The following MUC3A variants were observed in gnomAD, a reference collection of about 807,000 sequenced individuals.
MUC3A encodes mucin-3A.
Under a neutral mutation model 109.0 loss-of-function variants are expected in MUC3A, and 109 were observed. The observed-to-expected ratio is 1.00, with a 90% CI of 0.86 to 1.17. MUC3A has a LOEUF of 1.17. MUC3A is among the 50% of genes most tolerant of loss of function. The pLI, the probability that MUC3A is intolerant of heterozygous loss-of-function variation, is 0.00. For synonymous variants in MUC3A, 1,398 were observed against 981.4 expected (o/e 1.42, Z -7.93); for missense variants, 3,537 against 2,469.4 (o/e 1.43, Z -9.16).
Position 100,959,397 on chromosome 7 carries a change from C to A in MUC3A, c.7618C>A (p.Leu2540Ile). The A allele has an allele frequency of 6.5e-7, 1 of 1,536,978 alleles. No homozygotes were observed. The highest frequency in any genetic ancestry group is 8.7e-7 in the Non-Finnish European group (1 of 1,152,524). ...CATCCAAAGTACAGAAACCTCATCC[C>A]TTGTGGGCACCACCTCTCCCACCAT... ...PSIQSTETSSLVGTTSPTMST... is the reference protein window; with the variant it reads ...PSIQSTETSSIVGTTSPTMST... Residue 2540 changes from leucine to isoleucine, a missense_variant, in exon 2 of 12, where the codon CTT becomes ATT. Physicochemically the swap from Leu to Ile is conservative, Grantham distance 5. Transcript: ENST00000379458.
At position 100,956,022 on chromosome 7, in the gene MUC3A, C is replaced by CCACTCACCGGTAGCATTTTAT. The variant is rs1792087043; in HGVS notation, c.4251_4252insGGTAGCATTTTATCACTCACC (p.Thr1417_Ser1418insGlySerIleLeuSerLeuThr). On this transcript the variant is annotated inframe_insertion, in exon 2 of 12. Transcript: ENST00000379458. ...GCCCACAGCCACTAATACGTTATCA[C>CCACTCACCGGTAGCATTTTAT]CACTCACCAGTAGCATTTTATCTTC... The CCACTCACCGGTAGCATTTTAT allele has an allele frequency of 4.7e-6, 1 of 214,700 alleles. No homozygotes were observed. The allele number at this position is 214,700 out of a possible 1,614,324, so 13.3% of individuals were successfully genotyped here.
intron 7 of MUC3A, 33 bp from the exon 8 acceptor site, chr7:100,965,671 T>C: frequency 1.3e-6 from 2 of 1,584,622 alleles, no homozygotes; most frequent in East Asian, 2.2e-5. Context: ...GATGAGGTCC[T>C]TGTCTCTGTG....
chr7:100,957,368 A>G lies in MUC3A; in HGVS notation c.5589A>G (p.Thr1863=). The change falls in exon 2 of 12, where the codon ACA becomes ACG. Residue 1863 remains threonine (T), a synonymous_variant. Coordinates refer to ENST00000379458, the MANE Select transcript of MUC3A (RefSeq NM_005960.2). ...TTRTTYSTNM[T]GTLSTVTSLR... is the part of the protein sequence containing the mutation. ...GAACCACCTATTCCACCAATATGACAGGTACATTGTCCACTGTGACCTCTC... is the reference window on the plus strand; with the variant it reads ...GAACCACCTATTCCACCAATATGACGGGTACATTGTCCACTGTGACCTCTC... 6.2e-6 allele frequency: 4 copies of G among 642,016 alleles called. No individual in the cohort carries two copies. The highest frequency in any genetic ancestry group is 1.1e-5 in the Non-Finnish European group (4 of 374,074). The allele number at this position is 642,016 out of a possible 1,614,324, so 39.8% of individuals were successfully genotyped here.
In MUC3A at chr7:100,951,412, C is replaced by T. The variant is rs76387827; in HGVS notation, c.62-429C>T. On this transcript the variant is annotated intron_variant, in intron 1 of 11. Coordinates refer to ENST00000379458, the MANE Select transcript of MUC3A (RefSeq NM_005960.2). ...GTCAGCCCAGACAGCAGCAGGGTGC[C>T]GGGAGAAGCAGTGGTGGGAGCAGAA... is the stretch of plus-strand genomic sequence containing the variant. Among the ~76,000 whole-genome samples, 1,099 of 145,560 alleles carry T rather than the reference C, an allele frequency of 7.6e-3. 7 individuals carry two copies. The highest frequency in any genetic ancestry group is 0.046 in the Middle Eastern group (13 of 282).
rs777903471 is a variant in MUC3A at position 100,960,867 on chromosome 7, C to T, written c.8982C>T (p.Gly2994=). The stretch of plus-strand genomic sequence containing the variant: ...GCCAGAATGGGGGTCAGTGGGATGG[C>T]CTCAAATGCCAGTGCCCCAGCACCT... ...TRCQNGGQWD[G]LKCQCPSTFY... The change falls in exon 3 of 12, where the codon GGC becomes GGT. Residue 2994 remains glycine (G), a synonymous_variant. Transcript: ENST00000379458. 2.5e-6 allele frequency: 4 copies of T among 1,598,548 alleles called. No individual in the cohort carries two copies. The highest frequency in any genetic ancestry group is 3.3e-5 in the Admixed American group (2 of 60,034).
chr7:100,950,709 C>A (rs971052250), intron 1 of MUC3A, among the ~76,000 whole-genome samples: 2 of 152,308 alleles, frequency 1.3e-5, no homozygotes, highest in African/African-American at 4.8e-5. Context: ...CTAACTCTGA[C>A]AAATTGTGAA....
Position 100,959,238 on chromosome 7 carries a change from A to G in MUC3A, c.7459A>G (p.Thr2487Ala). ...PSSLSTDIPT[T>A]SLRTLTPSSV... Reference sequence around the variant, plus strand: ...TTCTCTGAGTACAGACATCCCGACCACAAGCCTACGAACTCTCACCCCTTC... The same window carrying G: ...TTCTCTGAGTACAGACATCCCGACCGCAAGCCTACGAACTCTCACCCCTTC... The change falls in exon 2 of 12, where the codon ACA becomes GCA. Residue 2487 changes from threonine (T) to alanine (A), a missense_variant. By Grantham distance (58) the Thr-to-Ala change is moderately conservative (BLOSUM62 0). Coordinates refer to ENST00000379458, the MANE Select transcript of MUC3A (RefSeq NM_005960.2). 1.3e-6 allele frequency: 2 copies of G among 1,598,120 alleles called. No homozygotes were observed. The highest frequency in any genetic ancestry group is 1.7e-6 in the Non-Finnish European group (2 of 1,179,530).
intron 6 of MUC3A, 135 bp downstream of exon 6, chr7:100,964,978 A>T: frequency 7.3e-7 from 1 of 1,361,960 alleles, no homozygotes; most frequent in East Asian, 2.5e-5. Context: ...GAATAAGTCC[A>T]CACACAACGG....
chr7:100,957,572 C>G lies in MUC3A; in HGVS notation c.5793C>G (p.Thr1931=), dbSNP rs902053554. Residue 1931 remains threonine (T), a synonymous_variant, in exon 2 of 12, where the codon ACC becomes ACG. Transcript: ENST00000379458. ...TPRFTSSITT[T]ETPSHSTPRF... is the part of the protein sequence containing the mutation. ...GATTCACTTCTTCAATCACCACTAC[C>G]GAGACCCCCTCACACAGTACTCCCA... is the stretch of plus-strand genomic sequence containing the variant. The G allele has an allele frequency of 1.7e-6, 2 of 1,195,718 alleles. No homozygotes were observed. Among genetic ancestry groups the G allele is most frequent in the Non-Finnish European group, 2.0e-6 (2 of 977,352 alleles). The allele number at this position is 1,195,718 out of a possible 1,614,324, so 74.1% of individuals were successfully genotyped here. A position where few individuals can be genotyped will look rare whatever the true frequency, so the allele number is the denominator to read the frequency against.
chr7:100,962,439 T>C (rs1792358692), intron 3 of MUC3A, among the ~76,000 whole-genome samples: 1 of 152,420 alleles, frequency 6.6e-6, no homozygotes, highest in Non-Finnish European at 1.5e-5. Context: ...AAAGTTAGGC[T>C]GATTAGCAAT....
intron 3 of MUC3A, among the ~76,000 whole-genome samples, chr7:100,962,797 T>C (rs201472417): frequency 0.12 from 17,148 of 143,194 alleles, 1,512 homozygotes; most frequent in Admixed American, 0.3. Context: ...CTTTCTTTCT[T>C]TCTCTCTCTC....
chr7:100,964,450 T>C, intron 5 of MUC3A: 1 of 580,216 alleles, frequency 1.7e-6, no homozygotes, highest in Non-Finnish European at 2.8e-6. Flanking sequence ...ACAGCAAGAC[T>C]TTGTCTCTAT....
chr7:100,963,256 T>C lies in MUC3A; in HGVS notation c.9158T>C (p.Phe3053Ser). ...SQAYRDFNKT[F>S]WNQMQKIFAD... is the part of the protein sequence containing the mutation. ...GCCTACAGGGATTTCAACAAGACCT[T>C]CTGGAATCAGGTAAAGGGCAAAGAG... Residue 3053 changes from phenylalanine (F) to serine (S), a missense_variant, in exon 4 of 12, where the codon TTC becomes TCC. Phe to Ser is a radical substitution (Grantham distance 155). Transcript: ENST00000379458. 6.3e-7 allele frequency: 1 copy of C among 1,597,686 alleles called. No homozygotes were observed. Among genetic ancestry groups the C allele is most frequent in the Non-Finnish European group, 8.5e-7 (1 of 1,179,470 alleles).
Position 100,959,373 on chromosome 7 carries a change from A to G in MUC3A, c.7594A>G (p.Ile2532Val), listed in dbSNP as rs28515787. The G allele has an allele frequency of 2.0e-5, 30 of 1,537,470 alleles. No individual in the cohort carries two copies. The highest frequency in any genetic ancestry group is 4.1e-5 in the African/African-American group (3 of 73,124). The change falls in exon 2 of 12, where the codon ATC (isoleucine) becomes GTC (valine). Residue 2532 changes from isoleucine (I) to valine (V), a missense_variant. Transcript: ENST00000379458. ...ACACATCATTTCATCTTCTCCCTCC[A>G]TCCAAAGTACAGAAACCTCATCCCT... is the stretch of plus-strand genomic sequence containing the variant. ...RTHIISSSPS[I>V]QSTETSSLVG...
At position 100,954,413 on chromosome 7, in the gene MUC3A, G is replaced by A. The variant is rs886422660; in HGVS notation, c.2634G>A (p.Thr878=). ...NTEISISVSM[T]SATTPSGGPT... ...AAATCTCAATCTCTGTTAGCATGAC[G>A]TCTGCTACCACTCCCAGTGGAGGAC... is the stretch of plus-strand genomic sequence containing the variant. The change falls in exon 2 of 12, where the codon ACG becomes ACA. Residue 878 remains threonine, a synonymous_variant. Coordinates refer to ENST00000379458, the MANE Select transcript of MUC3A (RefSeq NM_005960.2). 20 of 395,964 alleles carry A rather than the reference G, an allele frequency of 5.1e-5. No homozygotes were observed. Among genetic ancestry groups the A allele is most frequent in the East Asian group, 4.0e-4 (11 of 27,824 alleles). 24.5% of individuals were successfully genotyped at this position (395,964 alleles called of 1,614,324 possible).
chr7:100,951,709 G>C (rs1260488997), intron 1 of MUC3A, 132 bp from the exon 2 acceptor site: 9 of 1,376,076 alleles, frequency 6.5e-6, no homozygotes, highest in Non-Finnish European at 8.8e-6. Flanking sequence ...TCTGATGCAG[G>C]AGTCAGCTGT....
rs111245085 is a variant in MUC3A, at chr7:100,958,525, C to A, written c.6746C>A (p.Thr2249Lys). The A allele has an allele frequency of 7.6e-7, 1 of 1,311,296 alleles. No homozygotes were observed. Among genetic ancestry groups the A allele is most frequent in the Non-Finnish European group, 1.1e-6 (1 of 924,126 alleles). The allele number at this position is 1,311,296 out of a possible 1,614,324, so 81.2% of individuals were successfully genotyped here. The change falls in exon 2 of 12, where the codon ACA (threonine) becomes AAA (lysine). Residue 2249 changes from threonine to lysine, a missense_variant. Transcript: ENST00000379458. ...TCTTCAATCACCACCACTGAGACTA[C>A]ATCCCACAGTACTCCCAGCTTCACT... is the stretch of plus-strand genomic sequence containing the variant. ...FTSSITTTET[T>K]SHSTPSFTSS...
In MUC3A at chr7:100,958,446, A is replaced by G. The variant is rs1792163667; in HGVS notation, c.6667A>G (p.Ser2223Gly). 4.6e-6 allele frequency: 7 copies of G among 1,507,068 alleles called. No homozygotes were observed. The Admixed American group carries it at 8.4e-5, about 18-fold the overall frequency. The allele number at this position is 1,507,068 out of a possible 1,614,324, so 93.4% of individuals were successfully genotyped here. The change falls in exon 2 of 12, where the codon AGT (serine) becomes GGT (glycine). Residue 2223 changes from serine (S) to glycine (G), a missense_variant. By Grantham distance (56) the Ser-to-Gly change is moderately conservative. Coordinates refer to ENST00000379458, the MANE Select transcript of MUC3A (RefSeq NM_005960.2). ...CCCCTCAAGCAGTACTCCCAGCTTC[A>G]GTTCTTCGATCACCACCACTGAGAC... ...ETPSSSTPSF[S>G]SSITTTETTS...
Position 100,959,076 on chromosome 7 carries a change from A to G in MUC3A, c.7297A>G (p.Thr2433Ala). 3 of 1,590,350 alleles carry G rather than the reference A, an allele frequency of 1.9e-6. No individual in the cohort carries two copies. The highest frequency in any genetic ancestry group is 2.6e-6 in the Non-Finnish European group (3 of 1,175,726). Residue 2433 changes from threonine (T) to alanine (A), a missense_variant, in exon 2 of 12, where the codon ACT becomes GCT. By Grantham distance (58) the Thr-to-Ala change is moderately conservative (BLOSUM62 0). Transcript: ENST00000379458. ...TPGFTSSITT[T>A]ETTSESTPSL... ...TGGCTTCACTTCTTCAATCACCACCACTGAGACCACCTCAGAGAGTACTCC... is the reference window on the plus strand; with the variant it reads ...TGGCTTCACTTCTTCAATCACCACCGCTGAGACCACCTCAGAGAGTACTCC...
Sources: gnomAD v4.1 joint callset for allele counts (sites outside exome capture counted in the v4.1 genomes callset) on GRCh38, gnomAD v4.1.1 for gene constraint, MANE v1.5 for transcripts, NCBI Gene and HGNC (gene_info 2026-07-23, HGNC 2026-07-21) for gene names.